Variants in TNIP3 observed in about 807,000 individuals in gnomAD.
TNIP3 encodes the protein TNFAIP3 interacting protein 3.
Under a neutral mutation model 54.1 loss-of-function variants are expected in TNIP3, and 34 were observed. That is an observed-to-expected ratio of 0.63 (90% confidence interval 0.48 to 0.84). The LOEUF is 0.84. TNIP3 is among the 40% of genes least tolerant of loss of function. The pLI is 0.00. For synonymous variants in TNIP3, 134 were observed against 136.8 expected, an observed-to-expected ratio of 0.98 and a Z score of 0.14; for missense variants, 366 against 387.6, an observed-to-expected ratio of 0.94 and a Z score of 0.47.
At chr4:121,158,498 C>T (rs1730246170) in intron 3 of TNIP3, among the ~76,000 whole-genome samples, 189 bp downstream of exon 3, 1 of 152,192 alleles carries the variant, frequency 6.6e-6, no homozygotes, top group Admixed American at 6.5e-5. Flanking sequence ...CTCAAGACAA[C>T]TCACTGACAC....
upstream of TNIP3, among the ~76,000 whole-genome samples, chr4:121,220,420 A>C (rs1726980782): frequency 6.6e-6 from 1 of 152,184 alleles, no homozygotes; most frequent in Non-Finnish European, 1.5e-5. Context: ...TTTACAAGGG[A>C]GCAAAAATTT....
chr4:121,188,096 G>A (rs1373473807), intron 2 of TNIP3, among the ~76,000 whole-genome samples: 1 of 152,150 alleles, frequency 6.6e-6, no homozygotes, highest in African/African-American at 2.4e-5. Flanking sequence ...AGAGTTTGAG[G>A]TGAGAGTAAC....
upstream of TNIP3, among the ~76,000 whole-genome samples, chr4:121,165,720 T>G (rs1177755490): frequency 6.6e-6 from 1 of 151,396 alleles, no homozygotes; most frequent in Non-Finnish European, 1.5e-5. Flanking sequence ...CTTGTTATGT[T>G]TGGGTCTACG....
intron 2 of TNIP3, among the ~76,000 whole-genome samples, chr4:121,158,972 T>A (rs1263721247): frequency 6.6e-6 from 1 of 152,238 alleles, no homozygotes; most frequent in African/African-American, 2.4e-5. Context: ...CTGGGTCCGG[T>A]GGCTCACGCC....
chr4:121,157,155 T>C lies in TNIP3; in HGVS notation c.302A>G (p.Asp101Gly). The part of the protein sequence containing the change: ...KDPHQRQRKD[D>G]RQREDDRQRD... The stretch of plus-strand genomic sequence containing the variant: ...CTGCCTGTCGTCCTCTCTCTGCCTG[T>C]CGTCCTTTCTCTGCCTCTGATGCGG... Residue 101 changes from aspartate (D) to glycine (G), a missense_variant, in exon 4 of 11, where the codon GAC becomes GGC. Transcript: ENST00000057513. The C allele has an allele frequency of 6.6e-7, 1 of 1,517,178 alleles. No individual in the cohort carries two copies. Among genetic ancestry groups the C allele is most frequent in the Non-Finnish European group, 8.9e-7 (1 of 1,124,168 alleles). 94.0% of individuals were successfully genotyped at this position (1,517,178 alleles called of 1,614,324 possible).
At chr4:121,220,190 A>G (rs983625943), upstream of TNIP3, among the ~76,000 whole-genome samples, 3 of 152,350 alleles carry the variant, frequency 2.0e-5, no homozygotes, top group Admixed American at 6.5e-5. Context: ...TATTGATCAC[A>G]TAAGAGACCT....
At chr4:121,206,538 T>TTGTGTGTGTGTGTGTG (rs140121953) in intron 2 of TNIP3, among the ~76,000 whole-genome samples, 32,054 of 151,490 alleles carry the variant, frequency 0.21, 3,632 homozygotes, top group African/African-American at 0.3. Flanking sequence ...TTTGTATATA[T>TTGTGTGTGTGTGTGTG]TGTGTGTGTG....
intron 5 of TNIP3, among the ~76,000 whole-genome samples, chr4:121,151,310 C>T (rs1048838978): frequency 6.6e-6 from 1 of 152,136 alleles, no homozygotes; most frequent in African/African-American, 2.4e-5. Context: ...TGGTAACTTA[C>T]TCCACTGCAT....
At chr4:121,183,105 C>T (rs1367113295) in intron 2 of TNIP3, among the ~76,000 whole-genome samples, 1 of 152,188 alleles carries the variant, frequency 6.6e-6, no homozygotes, top group Non-Finnish European at 1.5e-5. Context: ...TTTTCTTATT[C>T]AATGTGCACA....
At chr4:121,202,147 C>G (rs1725926540) in intron 2 of TNIP3, among the ~76,000 whole-genome samples, 1 of 152,070 alleles carries the variant, frequency 6.6e-6, no homozygotes, top group African/African-American at 2.4e-5. Context: ...TCACAATACC[C>G]AATTTCAAAC....
chr4:121,207,211 G>T (rs1360065384), intron 2 of TNIP3, among the ~76,000 whole-genome samples: 1 of 152,020 alleles, frequency 6.6e-6, no homozygotes, highest in Non-Finnish European at 1.5e-5. Flanking sequence ...TCAGAGAATT[G>T]TTCAGAAGTA....
chr4:121,137,121 T>A (rs999406312), intron 10 of TNIP3, among the ~76,000 whole-genome samples: 5 of 152,198 alleles, frequency 3.3e-5, no homozygotes, highest in Admixed American at 1.3e-4. Flanking sequence ...CCAGCAAGAA[T>A]CTAATAATGA....
chr4:121,152,472 A>G (rs932084500), intron 5 of TNIP3, among the ~76,000 whole-genome samples: 1 of 152,072 alleles, frequency 6.6e-6, no homozygotes, highest in Non-Finnish European at 1.5e-5. Flanking sequence ...TTTGCTCACT[A>G]CCCATAAGTA....
At chr4:121,216,678 C>T, upstream of TNIP3, 1 of 1,378,056 alleles carries the variant, frequency 7.3e-7, no homozygotes, top group Admixed American at 2.9e-5. Flanking sequence ...CACAAGCCTG[C>T]CTTCTGCCTA....
intron 1 of TNIP3, among the ~76,000 whole-genome samples, chr4:121,162,922 T>C (rs890313786): frequency 6.6e-6 from 1 of 152,226 alleles, no homozygotes; most frequent in Non-Finnish European, 1.5e-5. Flanking sequence ...CATTTGTATG[T>C]CCCTGCCTTT....
upstream of TNIP3, among the ~76,000 whole-genome samples, chr4:121,217,076 A>G (rs1726829397): frequency 6.6e-6 from 1 of 152,232 alleles, no homozygotes; most frequent in African/African-American, 2.4e-5. Context: ...TTTTAAATTT[A>G]TTATTAAGTT....
At chr4:121,176,970 G>A (rs1724397699) in intron 3 of TNIP3, among the ~76,000 whole-genome samples, 1 of 152,168 alleles carries the variant, frequency 6.6e-6, no homozygotes, top group African/African-American at 2.4e-5. Flanking sequence ...GTTAAAATCA[G>A]AAGCAATGGA....
At chr4:121,174,535 A>T (rs1724192489) in intron 3 of TNIP3, among the ~76,000 whole-genome samples, 2 of 152,202 alleles carry the variant, frequency 1.3e-5, no homozygotes, top group Admixed American at 6.5e-5. Context: ...ACATACCAGA[A>T]GTGTTTTGTC....
At chr4:121,211,997 G>A (rs1462449482) in intron 2 of TNIP3, among the ~76,000 whole-genome samples, 1 of 152,194 alleles carries the variant, frequency 6.6e-6, no homozygotes, top group South Asian at 2.1e-4. Flanking sequence ...GCTGGTACCA[G>A]TACTTCCCAG....
Sources: gnomAD v4.1 joint callset for allele counts (sites outside exome capture counted in the v4.1 genomes callset) on GRCh38, gnomAD v4.1.1 for gene constraint, MANE v1.5 for transcripts, NCBI Gene and HGNC (gene_info 2026-07-23, HGNC 2026-07-21) for gene names.